Variants in KAZN observed in about 807,000 individuals in gnomAD.
The protein encoded by KAZN is kazrin.
Under a neutral mutation model 87.4 loss-of-function variants are expected in KAZN, and 40 were observed. The observed-to-expected ratio is 0.46, with a 90% CI of 0.36 to 0.60. The LOEUF is 0.60. KAZN is among the 20% of genes least tolerant of loss of function. The pLI is 0.00. For synonymous variants in KAZN, 466 were observed against 458.3 expected (o/e 1.02, Z -0.22); for missense variants, 898 against 1,073.9 (o/e 0.84, Z 2.29).
chr1:15,031,129 G>A (rs921416117), intron 2 of KAZN, among the ~76,000 whole-genome samples: 10 of 152,240 alleles, frequency 6.6e-5, no homozygotes, highest in African/African-American at 2.4e-4. Context: ...TCTGCCCTCA[G>A]CTAGCCTTGG....
chr1:15,023,627 G>T (rs12738665), intron 2 of KAZN, among the ~76,000 whole-genome samples: 17,569 of 152,172 alleles, frequency 0.12, 1,151 homozygotes, highest in Non-Finnish European at 0.14. Flanking sequence ...CCCCTTGATG[G>T]GGACAGGAGT....
intron 2 of KAZN, among the ~76,000 whole-genome samples, chr1:14,420,625 C>A (rs879577162): frequency 2.6e-5 from 4 of 152,250 alleles, no homozygotes; most frequent in Admixed American, 2.6e-4. Context: ...GCATGGCCCG[C>A]TGCAGGTCTG....
At chr1:14,258,926 C>A (rs1289407878) in intron 2 of KAZN, among the ~76,000 whole-genome samples, 1 of 152,130 alleles carries the variant, frequency 6.6e-6, no homozygotes, top group Non-Finnish European at 1.5e-5. Flanking sequence ...CTCAATTTTG[C>A]AAAGTCCAAA....
chr1:14,157,802 G>C (rs1290800354), intron 1 of KAZN, among the ~76,000 whole-genome samples: 1 of 152,048 alleles, frequency 6.6e-6, no homozygotes, highest in African/African-American at 2.4e-5. Context: ...TCTGCATGCT[G>C]GGGGGGCCTC....
intron 1 of KAZN, among the ~76,000 whole-genome samples, chr1:14,750,534 C>T (rs1024184122): frequency 1.3e-5 from 2 of 151,402 alleles, no homozygotes; most frequent in Admixed American, 6.6e-5. Flanking sequence ...ATCTGGGATG[C>T]TCATTAGCTT....
chr1:15,031,553 G>GTGTTGTGTTGTGT, intron 2 of KAZN, among the ~76,000 whole-genome samples: 1 of 146,384 alleles, frequency 6.8e-6, no homozygotes, highest in Admixed American at 6.9e-5. Flanking sequence ...GCTACTCAGG[G>GTGTTGTGTTGTGT]TGTGTTGTGT....
chr1:14,303,981 G>A (rs186973653), intron 2 of KAZN, among the ~76,000 whole-genome samples: 58 of 152,258 alleles, frequency 3.8e-4, no homozygotes, highest in Admixed American at 2.8e-3. Flanking sequence ...GAGTATACCC[G>A]ACTCTCAAAA....
chr1:13,927,254 T>C (rs1388933269), intron 1 of KAZN, among the ~76,000 whole-genome samples: 1 of 152,112 alleles, frequency 6.6e-6, no homozygotes, highest in Non-Finnish European at 1.5e-5. Context: ...CCTAGTGCAG[T>C]TGGAGAAGAA....
chr1:14,279,083 G>A (rs564783378), intron 2 of KAZN, among the ~76,000 whole-genome samples: 18 of 151,906 alleles, frequency 1.2e-4, no homozygotes, highest in African/African-American at 3.9e-4. Flanking sequence ...GACATAAGGC[G>A]TTTCAAATGA....
chr1:14,010,519 A>T (rs10465640), intron 1 of KAZN, among the ~76,000 whole-genome samples: 1 of 152,072 alleles, frequency 6.6e-6, no homozygotes, highest in Non-Finnish European at 1.5e-5. Context: ...TCAACTCACC[A>T]TCCAAGTCTT....
chr1:13,909,730 A>C (rs1205481743), intron 1 of KAZN, among the ~76,000 whole-genome samples: 1 of 152,238 alleles, frequency 6.6e-6, no homozygotes, highest in Non-Finnish European at 1.5e-5. Context: ...AGACGAATTA[A>C]GCATTTATGA....
chr1:14,823,887 A>G (rs183668235), intron 1 of KAZN, among the ~76,000 whole-genome samples: 76 of 152,200 alleles, frequency 5.0e-4, no homozygotes, highest in Non-Finnish European at 6.5e-4. Context: ...GCCAAGGCAG[A>G]CGGATCACCT....
intron 1 of KAZN, among the ~76,000 whole-genome samples, chr1:14,037,039 A>G (rs1008025952): frequency 3.3e-5 from 5 of 152,104 alleles, no homozygotes; most frequent in Admixed American, 6.5e-5. Flanking sequence ...CAGCCTCCCA[A>G]AGTGCTGGGA....
At chr1:14,737,852 C>T (rs1335698058) in intron 1 of KAZN, among the ~76,000 whole-genome samples, 1 of 152,204 alleles carries the variant, frequency 6.6e-6, no homozygotes, top group African/African-American at 2.4e-5. Context: ...AGCTCTTGGG[C>T]TGCCAATCTC....
intron 1 of KAZN, among the ~76,000 whole-genome samples, chr1:14,933,488 C>G (rs1278129454): frequency 6.6e-6 from 1 of 152,160 alleles, no homozygotes; most frequent in African/African-American, 2.4e-5. Flanking sequence ...GTTTTATCCC[C>G]AACATGTCTC....
At chr1:14,221,603 T>A (rs574935507) in intron 2 of KAZN, among the ~76,000 whole-genome samples, 1 of 152,322 alleles carries the variant, frequency 6.6e-6, no homozygotes, top group East Asian at 1.9e-4. Context: ...TCTGGCTTAT[T>A]ATAATCCTGT....
At chr1:14,694,926 A>C (rs1467870007) in intron 1 of KAZN, among the ~76,000 whole-genome samples, 1 of 152,190 alleles carries the variant, frequency 6.6e-6, no homozygotes. Context: ...TTACAGGGGA[A>C]ATTTGCCTTA....
At chr1:14,091,168 CA>C (rs1419746103) in intron 1 of KAZN, among the ~76,000 whole-genome samples, 1 of 149,876 alleles carries the variant, frequency 6.7e-6, no homozygotes, top group Non-Finnish European at 1.5e-5. Context: ...TTTACCTGTG[CA>C]ATTCCCTCCT....
intron 8 of KAZN, 120 bp downstream of exon 8, chr1:15,065,873 C>T (rs1639188670): frequency 2.6e-6 from 4 of 1,525,944 alleles, no homozygotes; most frequent in East Asian, 2.3e-5. Flanking sequence ...CGTGGGTGCG[C>T]GTGTGGCCGT....
Sources: gnomAD v4.1 joint callset for allele counts (sites outside exome capture counted in the v4.1 genomes callset) on GRCh38, gnomAD v4.1.1 for gene constraint, MANE v1.5 for transcripts, NCBI Gene and HGNC (gene_info 2026-07-23, HGNC 2026-07-21) for gene names.